SPTBN1: variants seen among roughly 807,000 people sequenced by gnomAD.
SPTBN1 encodes the protein spectrin beta chain, non-erythrocytic 1.
SPTBN1 carries 32 observed loss-of-function variants against 266.4 expected under a neutral mutation model. The observed-to-expected ratio is 0.12, with a 90% confidence interval of 0.09 to 0.16. The LOEUF is 0.16. Among genes scored for constraint, SPTBN1 ranks in the 10% least tolerant of loss-of-function variants. SPTBN1 has a pLI of 1.00. For missense variants in SPTBN1, 2,296 were observed against 3,067.1 expected (o/e 0.75, Z 5.94); for synonymous variants, 1,336 against 1,162.2 (o/e 1.15, Z -3.04).
rs935601516 is a variant in SPTBN1 at position 54,646,503 on chromosome 2, C to A, written c.4866+28C>A. Reference sequence around the variant, plus strand: ...GAGAGGAGGCGGGAAGCATCCCTGTCCCAGGAGAGCCTCAGATTCAAACCC... The same window carrying A: ...GAGAGGAGGCGGGAAGCATCCCTGTACCAGGAGAGCCTCAGATTCAAACCC... On this transcript the variant is annotated intron_variant, in intron 23 of 35. Transcript: ENST00000356805. The surrounding 1 kb of genome is among the most constrained non-coding windows in gnomAD (Gnocchi z 4.4). The A allele has an allele frequency of 1.4e-6, 2 of 1,467,638 alleles. No homozygotes were observed. The highest frequency in any genetic ancestry group is 2.7e-5 in the Admixed American group (1 of 36,988). 90.9% of individuals were successfully genotyped at this position (1,467,638 alleles called of 1,614,324 possible).
intron 1 of SPTBN1, among the ~76,000 whole-genome samples, chr2:54,523,938 G>A (rs1262326764): frequency 5.9e-5 from 9 of 152,200 alleles, no homozygotes; most frequent in Non-Finnish European, 8.8e-5. Context: ...GGTGGCTCAC[G>A]CCTGTAATCC....
rs369581553 is a variant in SPTBN1, at chr2:54,659,976, C to G, written c.6397C>G (p.Pro2133Ala). 1.9e-5 allele frequency: 30 copies of G among 1,614,056 alleles called. No homozygotes were observed. Among genetic ancestry groups the G allele is most frequent in the Admixed American group, 6.7e-5 (4 of 60,002 alleles). ...AGAACAAGTTTCCCAAAACGGTTTG[C>G]CAGCTGAACAGGGATCTCCACGGGT... ...KGEQVSQNGL[P>A]AEQGSPRMAE... Residue 2133 changes from proline to alanine, a missense_variant, in exon 32 of 36, where the codon CCA becomes GCA. By Grantham distance (27) the Pro-to-Ala change is conservative (BLOSUM62 -1). Coordinates refer to ENST00000356805, the MANE Select transcript of SPTBN1 (RefSeq NM_003128.3).
At chr2:54,481,431 TGTGTGTGTG>T (rs1558764039) in intron 1 of SPTBN1, among the ~76,000 whole-genome samples, 77 of 92,560 alleles carry the variant, frequency 8.3e-4, no homozygotes, top group African/African-American at 3.7e-3. Flanking sequence ...TGTGTGTGTG[TGTGTGTGTG>T]TTTTGTTTTG....
chr2:54,644,722 C>T (rs1679806859), intron 20 of SPTBN1, 136 bp downstream of exon 20: 13 of 1,147,940 alleles, frequency 1.1e-5, no homozygotes, highest in South Asian at 1.1e-4. Context: ...ATATTACTTG[C>T]TCTAACAGCA....
chr2:54,486,985 G>A (rs975622965), intron 1 of SPTBN1, among the ~76,000 whole-genome samples: 2 of 152,042 alleles, frequency 1.3e-5, no homozygotes, highest in Non-Finnish European at 2.9e-5. Flanking sequence ...ATCAAACGGC[G>A]CTGAGGACCA....
At chr2:54,667,249 T>A (rs979070600) in intron 34 of SPTBN1, among the ~76,000 whole-genome samples, 3 of 152,218 alleles carry the variant, frequency 2.0e-5, no homozygotes, top group Non-Finnish European at 4.4e-5. Context: ...AAGGGCTCAT[T>A]GTGTTCAAAA....
chr2:54,671,108 G>GAAAA lies in SPTBN1; in HGVS notation c.*2540_*2543dup, dbSNP rs1260525506. The GAAAA allele has an allele frequency of 3.6e-6, 1 of 281,626 alleles. No homozygotes were observed. The highest frequency in any genetic ancestry group is 2.2e-5 in the African/African-American group (1 of 46,066). 17.4% of individuals were successfully genotyped at this position (281,626 alleles called of 1,614,324 possible). On this transcript the variant is annotated 3_prime_UTR_variant, in exon 36 of 36. Coordinates refer to ENST00000356805, the MANE Select transcript of SPTBN1 (RefSeq NM_003128.3). ...ATAAATCTGAAGAGTAAGAAGTAGT[G>GAAAA]AAAATAAGGCTTAGGATATGAAATG...
intron 2 of SPTBN1, among the ~76,000 whole-genome samples, chr2:54,575,668 C>A (rs1558859040): frequency 6.6e-6 from 1 of 152,226 alleles, no homozygotes; most frequent in South Asian, 2.1e-4. Flanking sequence ...TGCAAAGGCT[C>A]TGGATTTTTA....
At chr2:54,537,344 G>A (rs544656609) in intron 2 of SPTBN1, among the ~76,000 whole-genome samples, 15 of 152,288 alleles carry the variant, frequency 9.8e-5, no homozygotes, top group African/African-American at 3.1e-4. Context: ...TACAGAGATG[G>A]GGTTTTGATT....
At chr2:54,480,670 C>T (rs934077290) in intron 1 of SPTBN1, among the ~76,000 whole-genome samples, 2 of 152,142 alleles carry the variant, frequency 1.3e-5, no homozygotes, top group Non-Finnish European at 2.9e-5. Context: ...GTCTACCCTC[C>T]ATTGGAATGG....
At chr2:54,592,750 C>A (rs1384003626) in intron 2 of SPTBN1, among the ~76,000 whole-genome samples, 1 of 152,146 alleles carries the variant, frequency 6.6e-6, no homozygotes, top group Admixed American at 6.5e-5. Context: ...AGAAACCAAA[C>A]AACAAAAGAT....
intron 2 of SPTBN1, among the ~76,000 whole-genome samples, chr2:54,570,385 G>A (rs572271371): frequency 6.6e-6 from 1 of 152,312 alleles, no homozygotes; most frequent in South Asian, 2.1e-4. Context: ...CCTTTTTAAT[G>A]CTGAAATTAT....
At chr2:54,661,834 T>C (rs889887891) in intron 32 of SPTBN1, 37 of 985,322 alleles carry the variant, frequency 3.8e-5, no homozygotes, top group Non-Finnish European at 4.1e-5. Flanking sequence ...AGGAACCACA[T>C]AAGCACACAA....
intron 2 of SPTBN1, among the ~76,000 whole-genome samples, chr2:54,594,489 A>G (rs1675915005): frequency 6.6e-6 from 1 of 152,212 alleles, no homozygotes; most frequent in Admixed American, 6.5e-5. Flanking sequence ...CATGCTATAT[A>G]AGGGACTTGA....
At position 54,626,346 on chromosome 2, in the gene SPTBN1, A is replaced by C. The variant is rs144979793; in HGVS notation, c.1644+112A>C. 1.8e-4 allele frequency: 234 copies of C among 1,308,364 alleles called. 2 individuals are homozygous for C. The African/African-American group carries it at 3.4e-3, about 19-fold the overall frequency. The allele number at this position is 1,308,364 out of a possible 1,614,324, so 81.0% of individuals were successfully genotyped here. ...AGCTGTGTGCCTTGTCTAACTGCCC[A>C]CATGTACAGCTAGAGAGGAGCCACA... On this transcript the variant is annotated intron_variant, in intron 12 of 35. Transcript: ENST00000356805. The surrounding 1 kb of genome is among the most constrained non-coding windows in gnomAD (Gnocchi z 4.7).
chr2:54,611,585 A>C (rs1372294093), intron 3 of SPTBN1, among the ~76,000 whole-genome samples: 1 of 152,080 alleles, frequency 6.6e-6, no homozygotes, highest in African/African-American at 2.4e-5. Context: ...GGGTATTTAA[A>C]TTGCACTACA....
At position 54,526,444 on chromosome 2, in the gene SPTBN1, A is replaced by G. The variant is rs1371433244; in HGVS notation, c.26A>G (p.Tyr9Cys). The part of the protein sequence containing the change: MTTTVATD[Y>C]DNIEIQQQYS... The stretch of plus-strand genomic sequence containing the variant: ...ATGACGACCACAGTAGCCACAGACT[A>G]TGACAACATTGAGATCCAGCAGCAG... The change falls in exon 2 of 36, where the codon TAT (tyrosine) becomes TGT (cysteine). Residue 9 changes from tyrosine (Y) to cysteine (C), a missense_variant. By Grantham distance (194) the Tyr-to-Cys change is radical. Coordinates refer to ENST00000356805, the MANE Select transcript of SPTBN1 (RefSeq NM_003128.3). The G allele has an allele frequency of 1.2e-6, 2 of 1,614,230 alleles. No individual in the cohort carries two copies. The highest frequency in any genetic ancestry group is 1.3e-5 in the African/African-American group (1 of 75,058).
intron 2 of SPTBN1, chr2:54,528,331 G>C (rs1170995809): frequency 6.6e-6 from 1 of 152,636 alleles, no homozygotes; most frequent in Non-Finnish European, 1.5e-5. Context: ...CTACAGAACA[G>C]TTCCTTGTTC....
intron 1 of SPTBN1, among the ~76,000 whole-genome samples, chr2:54,518,378 A>C (rs1482047890): frequency 6.6e-6 from 1 of 151,678 alleles, no homozygotes; most frequent in Admixed American, 6.6e-5. Flanking sequence ...GGGTGCAGCA[A>C]ACCAACACGG....
Sources: gnomAD v4.1 joint callset for allele counts (sites outside exome capture counted in the v4.1 genomes callset) on GRCh38, gnomAD v4.1.1 for gene constraint, Gnocchi (gnomAD v3.1) non-coding constraint, MANE v1.5 for transcripts, NCBI Gene and HGNC (gene_info 2026-07-23, HGNC 2026-07-21) for gene names.